DAB1: variants seen among roughly 807,000 people sequenced by gnomAD.
The protein encoded by DAB1 is disabled homolog 1.
Under a neutral mutation model 64.6 loss-of-function variants are expected in DAB1, and 15 were observed. The ratio of observed to expected loss-of-function variants is 0.23; its 90% CI spans 0.16 to 0.36. The LOEUF (loss-of-function observed/expected upper bound fraction) is 0.36. DAB1 is among the 10% of genes least tolerant of loss of function. The probability of loss-of-function intolerance (pLI) is 1.00; values close to 1 mark genes in which losing one functional copy is unlikely to be tolerated. For missense variants in DAB1, 596 were observed against 706.7 expected (o/e 0.84, Z 1.78); for synonymous variants, 235 against 251.9 (o/e 0.93, Z 0.64).
intron 14 of DAB1, among the ~76,000 whole-genome samples, chr1:57,006,753 G>A (rs1646085288): frequency 6.6e-6 from 1 of 152,102 alleles, no homozygotes; most frequent in African/African-American, 2.4e-5. Flanking sequence ...CTGTTGTTTG[G>A]TTGTATTTAA....
At chr1:57,746,299 A>G (rs1648265267) in intron 6 of DAB1, among the ~76,000 whole-genome samples, 1 of 152,190 alleles carries the variant, frequency 6.6e-6, no homozygotes, top group Non-Finnish European at 1.5e-5. Flanking sequence ...CTTTAAGGGT[A>G]TATTATCAAT....
In DAB1 at chr1:57,969,453, G is replaced by A. The variant is rs138494547; in HGVS notation, n.388-85291C>T. Among the ~76,000 whole-genome samples the A allele has an allele frequency of 5.3e-3, 804 of 152,096 alleles. 2 individuals carry two copies. The highest frequency in any genetic ancestry group is 8.4e-3 in the Non-Finnish European group (568 of 67,990). On this transcript the variant is annotated intron_variant and non_coding_transcript_variant, in intron 5 of 20. Coordinates refer to the DAB1 transcript ENST00000485760. ...CACCTCCCAGGTTTAAGCAATTCTC[G>A]TGCCTCAGCCTCCCGAGTAGAATAT...
At chr1:58,198,965 G>A (rs900767391) in intron 4 of DAB1, among the ~76,000 whole-genome samples, 8 of 152,112 alleles carry the variant, frequency 5.3e-5, no homozygotes, top group African/African-American at 1.9e-4. Flanking sequence ...AAATTAGCTG[G>A]GCACGGTGGC....
intron 7 of DAB1, among the ~76,000 whole-genome samples, chr1:57,492,389 G>T (rs1030505164): frequency 6.6e-6 from 1 of 152,128 alleles, no homozygotes; most frequent in Admixed American, 6.5e-5. Context: ...CAGGATTTGG[G>T]GTGGTGCTCT....
intron 1 of DAB1, among the ~76,000 whole-genome samples, chr1:57,859,841 A>C (rs1347366731): frequency 2.6e-5 from 4 of 152,234 alleles, no homozygotes; most frequent in African/African-American, 9.6e-5. Flanking sequence ...GAATACCAGG[A>C]CTATACCTGG....
At chr1:57,752,747 G>A (rs141152835) in intron 6 of DAB1, among the ~76,000 whole-genome samples, 5 of 152,232 alleles carry the variant, frequency 3.3e-5, no homozygotes, top group African/African-American at 1.2e-4. Context: ...TCTTTATGCT[G>A]TTTGAGCCTC....
chr1:58,380,761 T>C (rs1644380116), intron 3 of DAB1, among the ~76,000 whole-genome samples: 1 of 152,118 alleles, frequency 6.6e-6, no homozygotes, highest in African/African-American at 2.4e-5. Context: ...GCTCAGTAGA[T>C]TTGAGAAACA....
intron 2 of DAB1, among the ~76,000 whole-genome samples, chr1:57,158,135 T>C (rs571189140): frequency 4.6e-5 from 7 of 152,168 alleles, no homozygotes; most frequent in South Asian, 2.1e-4. Context: ...ACTAGGACCA[T>C]AGGAATAATA....
intron 7 of DAB1, among the ~76,000 whole-genome samples, chr1:57,579,402 C>A (rs1220629111): frequency 1.3e-5 from 2 of 152,128 alleles, no homozygotes; most frequent in African/African-American, 2.4e-5. Context: ...TCAGATTTCC[C>A]TGTAAATCAG....
chr1:57,364,223 G>C (rs772934384), intron 1 of DAB1, among the ~76,000 whole-genome samples: 5 of 152,150 alleles, frequency 3.3e-5, no homozygotes, highest in Non-Finnish European at 7.4e-5. Context: ...CCCAACTTTG[G>C]GGATGGGGGC....
At chr1:57,446,504 G>A (rs549461819) in intron 7 of DAB1, among the ~76,000 whole-genome samples, 5 of 151,728 alleles carry the variant, frequency 3.3e-5, no homozygotes, top group Non-Finnish European at 7.4e-5. Flanking sequence ...AGGCTGAGGC[G>A]GGAGAATCGC....
chr1:57,695,377 A>G (rs1175336602), intron 6 of DAB1, among the ~76,000 whole-genome samples: 5 of 67,004 alleles, frequency 7.5e-5, no homozygotes, highest in Admixed American at 6.6e-4. Flanking sequence ...AGAAAGAAAG[A>G]AAGAAAGAAA....
intron 2 of DAB1, among the ~76,000 whole-genome samples, chr1:57,267,173 C>T (rs1017868422): frequency 6.6e-5 from 10 of 151,874 alleles, no homozygotes; most frequent in Middle Eastern, 3.2e-3. Context: ...GAGAAGGCTA[C>T]GTGAAGGCAG....
chr1:58,005,826 T>A (rs1646574576), intron 5 of DAB1, among the ~76,000 whole-genome samples: 1 of 152,180 alleles, frequency 6.6e-6, no homozygotes, highest in Admixed American at 6.5e-5. Flanking sequence ...AAGAAATATA[T>A]GTCCCATTCA....
intron 7 of DAB1, among the ~76,000 whole-genome samples, chr1:57,634,978 T>A (rs1646033792): frequency 6.6e-6 from 1 of 152,208 alleles, no homozygotes; most frequent in South Asian, 2.1e-4. Flanking sequence ...GCCATGCAGA[T>A]GTCTGGAGGA....
intron 1 of DAB1, among the ~76,000 whole-genome samples, chr1:57,378,590 AAGTAC>A (rs1681098061): frequency 6.6e-6 from 1 of 152,236 alleles, no homozygotes; most frequent in East Asian, 1.9e-4. Context: ...TCCCTCCAGG[AAGTAC>A]AGTACAGATG....
chr1:58,253,814 A>G (rs563174325), intron 4 of DAB1, among the ~76,000 whole-genome samples: 1 of 152,310 alleles, frequency 6.6e-6, no homozygotes, highest in South Asian at 2.1e-4. Flanking sequence ...TACCTGGGTG[A>G]TCACTGCACA....
chr1:57,595,909 C>G (rs552773491), intron 7 of DAB1, among the ~76,000 whole-genome samples: 1 of 152,278 alleles, frequency 6.6e-6, no homozygotes, highest in African/African-American at 2.4e-5. Context: ...AGAAGCCAAG[C>G]AGATGCTGCT....
intron 4 of DAB1, among the ~76,000 whole-genome samples, chr1:58,173,203 G>A (rs1339969906): frequency 6.6e-6 from 1 of 152,190 alleles, no homozygotes; most frequent in Non-Finnish European, 1.5e-5. Flanking sequence ...ATTTTCACAG[G>A]GGTATAGTTT....
Sources: allele counts gnomAD v4.1 joint callset (sites outside exome capture counted in the v4.1 genomes callset), GRCh38; gene constraint gnomAD v4.1.1; transcripts MANE v1.5; gene names NCBI Gene and HGNC (gene_info 2026-07-23, HGNC 2026-07-21).